ALK: variants seen among roughly 807,000 people sequenced by gnomAD.
ALK encodes the protein ALK tyrosine kinase receptor.
ALK carries 74 observed loss-of-function variants against 163.1 expected under a neutral mutation model. The ratio of observed to expected loss-of-function variants is 0.45; its 90% CI spans 0.38 to 0.55. ALK has a LOEUF of 0.55. Ranked by LOEUF, ALK falls within the 20% of genes least tolerant of loss-of-function variation. ALK has a pLI of 0.00. For synonymous variants in ALK, 960 were observed against 843.2 expected (o/e 1.14, Z -2.40); for missense variants, 2,063 against 2,105.3 (o/e 0.98, Z 0.39).
chr2:29,586,602 G>C (rs1016283578), intron 3 of ALK, among the ~76,000 whole-genome samples: 9 of 152,148 alleles, frequency 5.9e-5, no homozygotes, highest in African/African-American at 2.2e-4. Context: ...GCTCCTCTGG[G>C]ATAGTGGTCC....
In ALK at chr2:29,488,562, A is replaced by G. The variant is rs189079509; in HGVS notation, c.1154+43353T>C. ...GAATCCAGATAGCTTTCATGGTCAT[A>G]TTTCATAAATTTCACTGAAGTTGGT... On this transcript the variant is annotated intron_variant, in intron 4 of 28. Transcript: ENST00000389048. Among the ~76,000 whole-genome samples the G allele has an allele frequency of 7.4e-4, 112 of 152,318 alleles. 1 individual carries two copies. The South Asian group carries it at 0.012, about 16-fold the overall frequency.
chr2:29,484,068 C>T (rs893154722), intron 4 of ALK, among the ~76,000 whole-genome samples: 3 of 152,084 alleles, frequency 2.0e-5, no homozygotes, highest in Non-Finnish European at 2.9e-5. Context: ...TACTTATTCA[C>T]TATCATGAGA....
intron 1 of ALK, among the ~76,000 whole-genome samples, chr2:29,738,340 G>A (rs1679952746): frequency 6.6e-6 from 1 of 151,992 alleles, no homozygotes; most frequent in African/African-American, 2.4e-5. Flanking sequence ...TGCCCTTTTT[G>A]CAGAAGAATC....
chr2:29,304,480 G>C (rs1455497335), intron 8 of ALK, among the ~76,000 whole-genome samples: 1 of 126,212 alleles, frequency 7.9e-6, no homozygotes, highest in African/African-American at 2.9e-5. Context: ...GGGCAATAGA[G>C]CAAGACTGTG....
chr2:29,282,015 G>A (rs1276813227), intron 9 of ALK, among the ~76,000 whole-genome samples: 1 of 152,214 alleles, frequency 6.6e-6, no homozygotes, highest in African/African-American at 2.4e-5. Flanking sequence ...GGAGGGAATG[G>A]CGAAGCTTTG....
At chr2:29,785,909 GTA>G (rs1558487475) in intron 1 of ALK, among the ~76,000 whole-genome samples, 3 of 138,300 alleles carry the variant, frequency 2.2e-5, no homozygotes, top group African/African-American at 9.3e-5. Flanking sequence ...ATGTTTTTGA[GTA>G]TACACACACA....
intron 5 of ALK, among the ~76,000 whole-genome samples, chr2:29,339,920 A>C (rs1338000835): frequency 6.6e-6 from 1 of 152,244 alleles, no homozygotes; most frequent in African/African-American, 2.4e-5. Context: ...GGCCACCCGC[A>C]GGAAGGCAGA....
In ALK at chr2:29,209,860, G is replaced by A. The variant is rs2148155344; in HGVS notation, c.3762C>T (p.Asn1254=). ...HFIHRDIAAR[N]CLLTCPGPGR... ...CAGGGCCTGGACAGGTCAAGAGGCA[G>A]TTTCTGGCAGCAATGTCTCTGGGAA... is the stretch of plus-strand genomic sequence containing the variant. Residue 1254 remains asparagine (N), a synonymous_variant, in exon 25 of 29, where the codon AAC becomes AAT. Coordinates refer to ENST00000389048, the MANE Select transcript of ALK (RefSeq NM_004304.5). 2 of 1,614,168 alleles carry A rather than the reference G, an allele frequency of 1.2e-6. No individual in the cohort carries two copies. The highest frequency in any genetic ancestry group is 1.3e-5 in the African/African-American group (1 of 75,070).
chr2:29,571,808 G>T (rs954359969), intron 3 of ALK, among the ~76,000 whole-genome samples: 1 of 151,782 alleles, frequency 6.6e-6, no homozygotes, highest in Non-Finnish European at 1.5e-5. Context: ...GTAGAAACGG[G>T]TTTCACCATA....
At chr2:29,900,531 A>G (rs1157818230) in intron 1 of ALK, among the ~76,000 whole-genome samples, 3 of 152,242 alleles carry the variant, frequency 2.0e-5, no homozygotes, top group African/African-American at 7.2e-5. Context: ...AGGAAATTTC[A>G]ATTTAGCCAC....
At chr2:29,446,351 C>T (rs1245994093) in intron 4 of ALK, among the ~76,000 whole-genome samples, 1 of 151,990 alleles carries the variant, frequency 6.6e-6, no homozygotes, top group Non-Finnish European at 1.5e-5. Flanking sequence ...CTAGGCAATC[C>T]ACTTGACCCC....
intron 4 of ALK, among the ~76,000 whole-genome samples, chr2:29,410,457 T>A (rs1332287690): frequency 6.6e-6 from 1 of 152,186 alleles, no homozygotes; most frequent in Non-Finnish European, 1.5e-5. Flanking sequence ...TCTCCCTAAA[T>A]GTGTAAAATG....
intron 3 of ALK, among the ~76,000 whole-genome samples, chr2:29,532,784 C>T (rs1041758827): frequency 2.0e-5 from 3 of 152,206 alleles, no homozygotes; most frequent in Non-Finnish European, 4.4e-5. Flanking sequence ...TATATTGTTC[C>T]AGGCATTCCT....
intron 5 of ALK, among the ~76,000 whole-genome samples, chr2:29,343,503 C>T (rs1237763529): frequency 6.6e-6 from 1 of 152,170 alleles, no homozygotes; most frequent in African/African-American, 2.4e-5. Context: ...GCATGAGCCA[C>T]CGCACCAGGC....
At chr2:29,289,604 C>T (rs1437136948) in intron 9 of ALK, among the ~76,000 whole-genome samples, 1 of 152,078 alleles carries the variant, frequency 6.6e-6, no homozygotes, top group African/African-American at 2.4e-5. Context: ...TCGGTTTTGC[C>T]TAAGTGTATA....
chr2:29,369,689 A>C (rs890748789), intron 5 of ALK, among the ~76,000 whole-genome samples: 9 of 152,186 alleles, frequency 5.9e-5, no homozygotes, highest in Non-Finnish European at 8.8e-5. Context: ...TTAATAGACA[A>C]GCAAAAAGAC....
At chr2:29,347,631 G>A (rs1040215145) in intron 5 of ALK, among the ~76,000 whole-genome samples, 23 of 152,160 alleles carry the variant, frequency 1.5e-4, no homozygotes, top group African/African-American at 5.6e-4. Context: ...TGGCTGTATG[G>A]TCCCATCCAC....
intron 3 of ALK, among the ~76,000 whole-genome samples, chr2:29,630,672 TA>T (rs1440398923): frequency 1.3e-5 from 2 of 152,214 alleles, no homozygotes; most frequent in African/African-American, 4.8e-5. Context: ...CTTTCTAGAT[TA>T]ATGCTTTGCT....
At chr2:29,386,003 C>T (rs1263434622) in intron 4 of ALK, among the ~76,000 whole-genome samples, 3 of 152,194 alleles carry the variant, frequency 2.0e-5, no homozygotes, top group East Asian at 3.8e-4. Context: ...TTTCTGCATG[C>T]GCTTGCTAAC....
Sources: gnomAD v4.1 joint callset for allele counts (sites outside exome capture counted in the v4.1 genomes callset) on GRCh38, gnomAD v4.1.1 for gene constraint, MANE v1.5 for transcripts, NCBI Gene and HGNC (gene_info 2026-07-23, HGNC 2026-07-21) for gene names.